The following UBE2E2 variants were observed in gnomAD, a reference collection of about 807,000 sequenced individuals.
The protein encoded by UBE2E2 is ubiquitin conjugating enzyme E2 E2.
Under a neutral mutation model 24.7 loss-of-function variants are expected in UBE2E2, and 6 were observed. That is an observed-to-expected ratio of 0.24 (90% CI 0.13 to 0.48). The LOEUF is 0.48. UBE2E2 is among the 20% of genes least tolerant of loss of function. The probability of loss-of-function intolerance (pLI) is 0.99; values close to 1 mark genes in which losing one functional copy is unlikely to be tolerated. For synonymous variants in UBE2E2, 104 were observed against 83.6 expected (o/e 1.24, Z -1.33); for missense variants, 169 against 245.0 (o/e 0.69, Z 2.07).
chr3:23,218,572 T>C (rs1696543698), intron 3 of UBE2E2, among the ~76,000 whole-genome samples: 1 of 152,002 alleles, frequency 6.6e-6, no homozygotes, highest in African/African-American at 2.4e-5. Context: ...ACCCATATTA[T>C]TAATATATTA....
At chr3:23,224,499 T>C (rs1696761358) in intron 3 of UBE2E2, among the ~76,000 whole-genome samples, 1 of 152,038 alleles carries the variant, frequency 6.6e-6, no homozygotes, top group East Asian at 1.9e-4. Flanking sequence ...TTTTGTGTGT[T>C]GATTTTGCAT....
intron 3 of UBE2E2, among the ~76,000 whole-genome samples, chr3:23,279,318 T>C (rs972166214): frequency 9.9e-5 from 15 of 152,140 alleles, no homozygotes; most frequent in Admixed American, 8.5e-4. Flanking sequence ...AAGTTAGCAA[T>C]CTGCAGTTTT....
rs145814019 is a variant in UBE2E2, at chr3:23,554,970, A to G, written c.508+22269A>G. On this transcript the variant is annotated intron_variant, in intron 5 of 5. Coordinates refer to ENST00000396703, the MANE Select transcript of UBE2E2 (RefSeq NM_152653.4). ...ATGGCTCTGTTGCCCAGGCTGGAGT[A>G]CAGTGATGTGATCTCTGCTCACTGC... Among the ~76,000 whole-genome samples, 71 of 151,526 alleles carry G rather than the reference A, an allele frequency of 4.7e-4. 2 individuals are homozygous for G. The East Asian group carries it at 0.013, about 28-fold the overall frequency.
Position 23,353,387 on chromosome 3 carries a change from G to T in UBE2E2, c.227+136075G>T, listed in dbSNP as rs902770597. ...CATAGTGTTGGAAGTTCTGGCCAGG[G>T]CAGTTAGGCAGGAGAAGGAAATAAA... On this transcript the variant is annotated intron_variant, in intron 3 of 5. Transcript: ENST00000396703. 8.8e-4 allele frequency among the ~76,000 whole-genome samples: 134 copies of T among 152,038 alleles called. 2 individuals are homozygous for T. The highest frequency in any genetic ancestry group is 7.2e-4 in the Admixed American group (11 of 15,272).
chr3:23,474,733 T>TC lies in UBE2E2; in HGVS notation c.228-24871dup, dbSNP rs60016874. Among the ~76,000 whole-genome samples, 689 of 152,176 alleles carry TC rather than the reference T, an allele frequency of 4.5e-3. 4 individuals are homozygous for TC. The highest frequency in any genetic ancestry group is 7.3e-3 in the Non-Finnish European group (496 of 68,020). ...CAGTCTTACACAGTCTTCATCTTCC[T>TC]CCCCTTTCCTCCTTCCTTCCTGTCA... On this transcript the variant is annotated intron_variant, in intron 3 of 5. Transcript: ENST00000396703. The surrounding 1 kb of genome is among the most constrained non-coding windows in gnomAD (Gnocchi z 4.0).
intron 3 of UBE2E2, among the ~76,000 whole-genome samples, chr3:23,385,038 C>T (rs1336391812): frequency 6.6e-6 from 1 of 152,114 alleles, no homozygotes; most frequent in Non-Finnish European, 1.5e-5. Flanking sequence ...TCAAGTGATT[C>T]TCCTGCCTCA....
At chr3:23,203,594 T>A in intron 1 of UBE2E2, 130 bp downstream of exon 1, 1 of 490,726 alleles carries the variant, frequency 2.0e-6, no homozygotes, top group Non-Finnish European at 2.6e-6. Flanking sequence ...CCTAGTTCCC[T>A]CCTTCCTCGC....
chr3:23,527,866 C>T (rs879842409), intron 4 of UBE2E2, among the ~76,000 whole-genome samples: 5 of 150,206 alleles, frequency 3.3e-5, no homozygotes, highest in African/African-American at 7.3e-5. Context: ...TTATGCTTAT[C>T]TTCTTAACTG....
chr3:23,543,564 T>A (rs867082421), intron 5 of UBE2E2, among the ~76,000 whole-genome samples: 24 of 149,564 alleles, frequency 1.6e-4, no homozygotes, highest in Non-Finnish European at 5.9e-5. Context: ...AAAAAAATAA[T>A]AATAGATGAC....
chr3:23,458,511 G>A (rs1288878818), intron 3 of UBE2E2, among the ~76,000 whole-genome samples: 5 of 151,864 alleles, frequency 3.3e-5, no homozygotes, highest in African/African-American at 4.8e-5. Context: ...TCCGCCTGCC[G>A]GGTTCACACC....
chr3:23,485,528 A>G (rs1252944951), intron 3 of UBE2E2, among the ~76,000 whole-genome samples: 1 of 152,110 alleles, frequency 6.6e-6, no homozygotes, highest in Non-Finnish European at 1.5e-5. Context: ...CCCCTATTAA[A>G]ACAAAAACAA....
intron 3 of UBE2E2, among the ~76,000 whole-genome samples, chr3:23,414,240 C>T (rs140695226): frequency 1.3e-5 from 2 of 152,172 alleles, no homozygotes; most frequent in Admixed American, 6.5e-5. Flanking sequence ...CCATTTTTTC[C>T]AGTTGTCAAG....
chr3:23,279,856 G>C (rs1362534090), intron 3 of UBE2E2, among the ~76,000 whole-genome samples: 2 of 152,158 alleles, frequency 1.3e-5, no homozygotes, highest in African/African-American at 4.8e-5. Flanking sequence ...AACAGTGTAG[G>C]CATACATGAC....
intron 3 of UBE2E2, among the ~76,000 whole-genome samples, chr3:23,360,430 T>G (rs139382524): frequency 0.012 from 1,897 of 152,312 alleles, 44 homozygotes; most frequent in African/African-American, 0.044. Flanking sequence ...AAACATGTTC[T>G]TTGTCCTCAA....
intron 5 of UBE2E2, among the ~76,000 whole-genome samples, chr3:23,585,202 C>G (rs1182061644): frequency 6.6e-6 from 1 of 151,062 alleles, no homozygotes. Flanking sequence ...TCTGCCGTCT[C>G]TACCAAAAAA....
intron 5 of UBE2E2, among the ~76,000 whole-genome samples, chr3:23,547,793 T>A (rs536173961): frequency 6.6e-6 from 1 of 152,308 alleles, no homozygotes; most frequent in East Asian, 1.9e-4. Context: ...GTCACATTCT[T>A]TTTTCAGGTC....
intron 3 of UBE2E2, among the ~76,000 whole-genome samples, chr3:23,256,294 ATTGT>A (rs937923737): frequency 1.3e-5 from 2 of 152,200 alleles, no homozygotes; most frequent in African/African-American, 4.8e-5. Flanking sequence ...TAAAATGATG[ATTGT>A]TTATTTTAGC....
chr3:23,205,941 A>G (rs1377277953), intron 1 of UBE2E2, among the ~76,000 whole-genome samples: 1 of 152,234 alleles, frequency 6.6e-6, no homozygotes, highest in Non-Finnish European at 1.5e-5. Context: ...AAATAAGAAT[A>G]TTGAGAAGAA....
intron 3 of UBE2E2, among the ~76,000 whole-genome samples, chr3:23,487,378 G>T (rs1258487990): frequency 1.3e-5 from 2 of 152,158 alleles, no homozygotes; most frequent in Non-Finnish European, 2.9e-5. Context: ...GCCTAGAAGT[G>T]CAGGCTCCCA....
Sources: gnomAD v4.1 joint callset for allele counts (sites outside exome capture counted in the v4.1 genomes callset) on GRCh38, gnomAD v4.1.1 for gene constraint, Gnocchi (gnomAD v3.1) non-coding constraint, MANE v1.5 for transcripts, NCBI Gene and HGNC (gene_info 2026-07-23, HGNC 2026-07-21) for gene names.